TRIT1: variants seen among roughly 807,000 people sequenced by gnomAD.
TRIT1 encodes the protein tRNA dimethylallyltransferase.
A neutral mutation model predicts 51.2 loss-of-function variants in TRIT1; 43 were observed. That is an observed-to-expected ratio of 0.84 (90% confidence interval 0.66 to 1.08). The LOEUF is 1.08. TRIT1 is among the 50% of genes least tolerant of loss of function. The probability of loss-of-function intolerance (pLI) is 0.00; values close to 1 mark genes in which losing one functional copy is unlikely to be tolerated. For synonymous variants in TRIT1, 184 were observed against 203.9 expected, an observed-to-expected ratio of 0.90 and a Z score of 0.83; for missense variants, 528 against 578.4, an observed-to-expected ratio of 0.91 and a Z score of 0.89.
intron 1 of TRIT1, among the ~76,000 whole-genome samples, chr1:39,866,022 G>GAAAAGA (rs1330801233): frequency 6.2e-5 from 9 of 144,416 alleles, no homozygotes; most frequent in African/African-American, 2.3e-4. Flanking sequence ...GAAAAGAAAA[G>GAAAAGA]AAAGAAAAGA....
intron 1 of TRIT1, among the ~76,000 whole-genome samples, chr1:39,875,359 G>C (rs1367966454): frequency 6.6e-6 from 1 of 152,028 alleles, no homozygotes; most frequent in Non-Finnish European, 1.5e-5. Flanking sequence ...GTGGTGGCAT[G>C]CGTCTGTAAT....
chr1:39,854,149 CATTT>C, intron 2 of TRIT1, 81 bp from the exon 3 acceptor site: 1 of 1,011,966 alleles, frequency 9.9e-7, no homozygotes, highest in Admixed American at 2.2e-5. Context: ...AAACCACATT[CATTT>C]ATCTGCAGAG....
At position 39,847,254 on chromosome 1, in the gene TRIT1, T is replaced by C. The variant is rs1179052120; in HGVS notation, c.972A>G (p.Lys324=). ...LKQVTKRYAR[K]QNRWVKNRFL... is the part of the protein sequence containing the mutation. ...AACGGTTTTTAACCCATCGGTTTTG[T>C]TTCCGGGCATATCTCTTAGTTACTT... is the stretch of plus-strand genomic sequence containing the variant. The change falls in exon 8 of 11, where the codon AAA becomes AAG. Residue 324 remains lysine (K), a synonymous_variant. Transcript: ENST00000316891. 9 of 1,614,216 alleles carry C rather than the reference T, an allele frequency of 5.6e-6. No individual in the cohort carries two copies. The highest frequency in any genetic ancestry group is 7.6e-6 in the Non-Finnish European group (9 of 1,180,042).
chr1:39,874,304 C>G (rs1224866060), intron 1 of TRIT1, among the ~76,000 whole-genome samples: 1 of 152,138 alleles, frequency 6.6e-6, no homozygotes, highest in Non-Finnish European at 1.5e-5. Flanking sequence ...TGTCTCTGGC[C>G]TCTACCCATT....
chr1:39,862,108 T>C (rs1643284822), intron 1 of TRIT1, among the ~76,000 whole-genome samples: 1 of 152,010 alleles, frequency 6.6e-6, no homozygotes, highest in Admixed American at 6.6e-5. Flanking sequence ...CAAAGTAGAA[T>C]ATTAGTTACG....
chr1:39,844,316 C>G, intron 9 of TRIT1, 98 bp from the exon 10 acceptor site: 1 of 1,106,662 alleles, frequency 9.0e-7, no homozygotes, highest in East Asian at 2.4e-5. Flanking sequence ...TCCTTTTTCT[C>G]AACCCAGAGA....
intron 1 of TRIT1, 73 bp downstream of exon 1, chr1:39,883,245 T>G: frequency 6.6e-7 from 1 of 1,516,478 alleles, no homozygotes; most frequent in Non-Finnish European, 8.9e-7. Flanking sequence ...GTTCACCCTT[T>G]AAGACCTTTG....
intron 1 of TRIT1, among the ~76,000 whole-genome samples, chr1:39,859,545 T>C (rs1299510708): frequency 1.3e-5 from 2 of 150,150 alleles, no homozygotes; most frequent in African/African-American, 2.5e-5. Context: ...ATCATACCAC[T>C]GCACTCCAGC....
At chr1:39,881,227 CAAAA>C (rs56205358) in intron 1 of TRIT1, among the ~76,000 whole-genome samples, 6 of 80,144 alleles carry the variant, frequency 7.5e-5, no homozygotes, top group Admixed American at 2.5e-4. Flanking sequence ...ACTCTGTCTC[CAAAA>C]AAAAAAAAAA....
In TRIT1 at chr1:39,838,250, A is replaced by C. The variant is rs1652451196; in HGVS notation, c.*3494T>G. Among the ~76,000 whole-genome samples the C allele has an allele frequency of 6.6e-6, 1 of 152,262 alleles. No homozygotes were observed. ...GCCCAAGTAGGTGATAATCAAATACAGAAATTCCTGCTGGTGGCTATCCCA... is the reference window on the plus strand; with the variant it reads ...GCCCAAGTAGGTGATAATCAAATACCGAAATTCCTGCTGGTGGCTATCCCA... On this transcript the variant is annotated 3_prime_UTR_variant, in exon 11 of 11. Coordinates refer to ENST00000316891, the MANE Select transcript of TRIT1 (RefSeq NM_017646.6).
chr1:39,842,015 C>A, intron 10 of TRIT1, 102 bp from the exon 11 acceptor site: 2 of 1,254,696 alleles, frequency 1.6e-6, no homozygotes, highest in Non-Finnish European at 2.2e-6. Flanking sequence ...TGCTTTTCTT[C>A]AACAATAAAC....
At chr1:39,880,672 G>A (rs982589450) in intron 1 of TRIT1, among the ~76,000 whole-genome samples, 6 of 151,974 alleles carry the variant, frequency 3.9e-5, no homozygotes, top group African/African-American at 4.8e-5. Flanking sequence ...GGTGGCGGGC[G>A]TCTGTAATTC....
intron 6 of TRIT1, 37 bp from the exon 7 acceptor site, chr1:39,847,697 T>G (rs1414429192): frequency 1.9e-6 from 3 of 1,613,750 alleles, no homozygotes; most frequent in Non-Finnish European, 2.5e-6. Flanking sequence ...AAGCCATTGC[T>G]CCTAAAAGCT....
At chr1:39,860,426 G>A (rs1004034154) in intron 1 of TRIT1, among the ~76,000 whole-genome samples, 2 of 152,152 alleles carry the variant, frequency 1.3e-5, no homozygotes, top group African/African-American at 2.4e-5. Context: ...CACACAACTC[G>A]GAGGAAACGC....
intron 1 of TRIT1, among the ~76,000 whole-genome samples, chr1:39,864,701 G>GT (rs998889971): frequency 6.6e-6 from 1 of 151,836 alleles, no homozygotes; most frequent in African/African-American, 2.4e-5. Flanking sequence ...ACTCCCCCCA[G>GT]TTTTTTACGT....
chr1:39,883,086 G>A (rs1472277719), intron 1 of TRIT1, among the ~76,000 whole-genome samples: 1 of 152,146 alleles, frequency 6.6e-6, no homozygotes, highest in Non-Finnish European at 1.5e-5. Flanking sequence ...TCCATAAAAG[G>A]AGATAATAGT....
intron 1 of TRIT1, among the ~76,000 whole-genome samples, chr1:39,877,725 G>A (rs766052898): frequency 6.6e-6 from 1 of 152,178 alleles, no homozygotes; most frequent in Non-Finnish European, 1.5e-5. Context: ...GACTCAGACT[G>A]AAAAGAAGAC....
At chr1:39,876,560 A>ATCTATCTATCTATCTATCTATCTATC (rs1557585424) in intron 1 of TRIT1, among the ~76,000 whole-genome samples, 2 of 117,948 alleles carry the variant, frequency 1.7e-5, no homozygotes, top group Admixed American at 8.1e-5. Flanking sequence ...ATCTATCTAT[A>ATCTATCTATCTATCTATCTATCTATC]TATATATATG....
rs777447388 is a variant in TRIT1 at position 39,844,197 on chromosome 1, G to A, written c.1138C>T (p.Pro380Ser). ...FIQGHKPTAT[P>S]IKMPYNEAEN... ...GCTTCATTGTATGGCATCTTTATTG[G>A]AGTGGCTGTAGGCTTGTGGCCCTAA... Residue 380 changes from proline to serine, a missense_variant, in exon 10 of 11, where the codon CCA (proline) becomes TCA (serine). Transcript: ENST00000316891. The A allele has an allele frequency of 3.1e-6, 5 of 1,613,986 alleles. No homozygotes were observed. The Admixed American group carries it at 8.3e-5, about 27-fold the overall frequency.
Sources: gnomAD v4.1 joint callset for allele counts (sites outside exome capture counted in the v4.1 genomes callset) on GRCh38, gnomAD v4.1.1 for gene constraint, MANE v1.5 for transcripts, NCBI Gene and HGNC (gene_info 2026-07-23, HGNC 2026-07-21) for gene names.